GRHL1: variants seen among roughly 807,000 people sequenced by gnomAD.
GRHL1 encodes the protein grainyhead-like protein 1 homolog.
A neutral mutation model predicts 75.7 loss-of-function variants in GRHL1; 38 were observed. The observed-to-expected ratio is 0.50, with a 90% CI of 0.39 to 0.66. The LOEUF is 0.66. GRHL1 is among the 30% of genes least tolerant of loss of function. The probability of loss-of-function intolerance (pLI) is 0.00; values close to 1 mark genes in which losing one functional copy is unlikely to be tolerated. For missense variants in GRHL1, 589 were observed against 767.5 expected (o/e 0.77, Z 2.75); for synonymous variants, 266 against 279.4 (o/e 0.95, Z 0.48).
chr2:9,983,706 G>A (rs769739045), intron 8 of GRHL1, among the ~76,000 whole-genome samples: 5 of 151,960 alleles, frequency 3.3e-5, no homozygotes, highest in African/African-American at 4.8e-5. Flanking sequence ...GAAAAAATTC[G>A]GATTTTCCAT....
At chr2:9,997,453 C>T (rs901864468) in intron 14 of GRHL1, among the ~76,000 whole-genome samples, 8 of 152,152 alleles carry the variant, frequency 5.3e-5, no homozygotes, top group Admixed American at 5.2e-4. Context: ...TTCCCACTGT[C>T]ACTTCCTGCC....
chr2:9,973,238 G>A (rs943998502), intron 8 of GRHL1, among the ~76,000 whole-genome samples: 2 of 152,190 alleles, frequency 1.3e-5, no homozygotes, highest in Admixed American at 6.5e-5. Context: ...CACCATCAGA[G>A]CAGGCGTGTT....
chr2:9,975,997 A>G (rs1667932941), intron 8 of GRHL1, among the ~76,000 whole-genome samples: 1 of 152,222 alleles, frequency 6.6e-6, no homozygotes, highest in South Asian at 2.1e-4. Context: ...CCAAAATAGT[A>G]CCAATTTCAT....
intron 2 of GRHL1, among the ~76,000 whole-genome samples, chr2:9,956,654 C>CT (rs1229274376): frequency 5.3e-5 from 8 of 152,112 alleles, no homozygotes; most frequent in Admixed American, 6.5e-5. Flanking sequence ...ACTAATGATG[C>CT]TAGAAGAAAC....
At chr2:9,963,202 C>G (rs571342192) in intron 5 of GRHL1, among the ~76,000 whole-genome samples, 1 of 152,282 alleles carries the variant, frequency 6.6e-6, no homozygotes, top group South Asian at 2.1e-4. Context: ...CTAACTTTTT[C>G]TGTAAAGACT....
intron 8 of GRHL1, among the ~76,000 whole-genome samples, chr2:9,975,637 G>A (rs887874810): frequency 9.9e-5 from 15 of 152,048 alleles, no homozygotes; most frequent in African/African-American, 3.6e-4. Flanking sequence ...CAGCGCTTTG[G>A]GAGGCCGAGA....
At chr2:9,961,464 A>G (rs1372668854) in intron 4 of GRHL1, 28 bp downstream of exon 4, 3 of 1,571,888 alleles carry the variant, frequency 1.9e-6, no homozygotes, top group Non-Finnish European at 1.7e-6. Context: ...TCTTCCTAAG[A>G]CGCCTGCGTG....
intron 8 of GRHL1, among the ~76,000 whole-genome samples, chr2:9,972,704 C>T (rs1267870397): frequency 3.3e-5 from 5 of 152,272 alleles, no homozygotes; most frequent in African/African-American, 7.2e-5. Context: ...GCCTGTGTGC[C>T]TTGTGTCACA....
At chr2:9,964,123 C>T in intron 6 of GRHL1, 81 bp downstream of exon 6, 1 of 1,416,400 alleles carries the variant, frequency 7.1e-7, no homozygotes, top group South Asian at 1.2e-5. Context: ...CTCTGAATGA[C>T]CGCCTGAAAT....
At chr2:9,997,355 A>C (rs1251720517) in intron 14 of GRHL1, among the ~76,000 whole-genome samples, 1 of 152,080 alleles carries the variant, frequency 6.6e-6, no homozygotes, top group African/African-American at 2.4e-5. Context: ...GGGTTTGGGG[A>C]GCTGCTGTGC....
In GRHL1 at chr2:9,992,478, C is replaced by T. The variant is rs35341467; in HGVS notation, c.1461+332C>T. Among the ~76,000 whole-genome samples the T allele has an allele frequency of 0.2, 29,785 of 152,100 alleles. 3,302 individuals carry two copies. The highest frequency in any genetic ancestry group is 0.29 in the Admixed American group (4,452 of 15,270). ...AGTTTGAGCCTGTCATCTTTTTAAACTTAACTTGGGGCAATACCTAGGTTA... is the reference window on the plus strand; with the variant it reads ...AGTTTGAGCCTGTCATCTTTTTAAATTTAACTTGGGGCAATACCTAGGTTA... On this transcript the variant is annotated intron_variant, in intron 11 of 15. Coordinates refer to ENST00000324907, the MANE Select transcript of GRHL1 (RefSeq NM_198182.3). The surrounding 1 kb of genome is among the most constrained non-coding windows in gnomAD (Gnocchi z 4.6).
chr2:9,981,321 G>A (rs963770923), intron 8 of GRHL1, among the ~76,000 whole-genome samples: 1 of 152,226 alleles, frequency 6.6e-6, no homozygotes, highest in African/African-American at 2.4e-5. Flanking sequence ...CATGGGCACA[G>A]CACACACTGG....
At chr2:9,952,625 G>T (rs1391970676) in intron 1 of GRHL1, among the ~76,000 whole-genome samples, 1 of 151,904 alleles carries the variant, frequency 6.6e-6, no homozygotes, top group African/African-American at 2.4e-5. Context: ...GTGTAATAAG[G>T]CATGGGGGAT....
intron 8 of GRHL1, among the ~76,000 whole-genome samples, chr2:9,977,967 G>A (rs967815466): frequency 5.3e-5 from 8 of 152,184 alleles, no homozygotes; most frequent in African/African-American, 9.7e-5. Flanking sequence ...CGAAAGCCAC[G>A]TCCTCCATGG....
intron 8 of GRHL1, among the ~76,000 whole-genome samples, chr2:9,978,274 G>A (rs1193908251): frequency 6.6e-6 from 1 of 152,232 alleles, no homozygotes; most frequent in African/African-American, 2.4e-5. Flanking sequence ...TGTACATAGA[G>A]TGCAGTGGAC....
intron 6 of GRHL1, 39 bp from the exon 7 acceptor site, chr2:9,964,196 C>G (rs1667391897): frequency 4.4e-6 from 6 of 1,374,380 alleles, no homozygotes; most frequent in African/African-American, 4.3e-5. Flanking sequence ...CATACTCACC[C>G]TTTAGTGTCT....
chr2:9,951,872 TC>T lies in GRHL1; in HGVS notation c.20+21del. On this transcript the variant is annotated intron_variant, in intron 1 of 15. Transcript: ENST00000324907. This position sits in a 1 kb window ranked among gnomAD's most constrained non-coding sequence, Gnocchi z 4.2. The stretch of plus-strand genomic sequence containing the variant: ...ACGACAAGTGAGTGAGGCGCAGGAG[TC>T]CGGCCGCCGCGGGGGGGCCGCGCTG... 6.9e-7 allele frequency: 1 copy of T among 1,453,688 alleles called. No individual in the cohort carries two copies. The highest frequency in any genetic ancestry group is 9.2e-7 in the Non-Finnish European group (1 of 1,092,436). The allele number at this position is 1,453,688 out of a possible 1,614,324, so 90.0% of individuals were successfully genotyped here. A position where few individuals can be genotyped will look rare whatever the true frequency, so the allele number is the denominator to read the frequency against.
rs779904054 is a variant in GRHL1, at chr2:9,993,234, G to C, written c.1489G>C (p.Glu497Gln). The C allele has an allele frequency of 3.1e-6, 5 of 1,610,748 alleles. No homozygotes were observed. The highest frequency in any genetic ancestry group is 4.2e-6 in the Non-Finnish European group (5 of 1,176,940). Reference protein sequence around the residue: ...HVLPIASEELEGEGSVLKRGP... With the variant: ...HVLPIASEELQGEGSVLKRGP... ...CCTTCCCATTGCCTCTGAAGAATTG[G>C]AGGGTGAAGGGTAAGATTTATGTTT... Residue 497 changes from glutamate (E) to glutamine (Q), a missense_variant, in exon 12 of 16, where the codon GAG (glutamate) becomes CAG (glutamine). Glu to Gln is a conservative substitution (Grantham distance 29). Around this residue, in one of 5 missense-constraint regions of GRHL1, gnomAD observed 192 missense variants for 226.6 expected, o/e 0.85. Coordinates refer to ENST00000324907, the MANE Select transcript of GRHL1 (RefSeq NM_198182.3).
chr2:10,002,051 A>C lies in GRHL1; in HGVS notation c.*1344A>C, dbSNP rs1669289159. 6.6e-6 allele frequency: 1 copy of C among 152,662 alleles called. No individual in the cohort carries two copies. 9.5% of individuals were successfully genotyped at this position (152,662 alleles called of 1,614,324 possible). On this transcript the variant is annotated 3_prime_UTR_variant, in exon 16 of 16. Coordinates refer to ENST00000324907, the MANE Select transcript of GRHL1 (RefSeq NM_198182.3). ...GGTATCTTTAGGTTCAGGGAACTAG[A>C]CTAGGTCATTCGTGTAAATGGACTG...
Sources: allele counts gnomAD v4.1 joint callset (sites outside exome capture counted in the v4.1 genomes callset), GRCh38; gene constraint gnomAD v4.1.1; regional missense constraint gnomAD v4.1.1; non-coding constraint Gnocchi (gnomAD v3.1); transcripts MANE v1.5; gene names NCBI Gene and HGNC (gene_info 2026-07-23, HGNC 2026-07-21).